The following PTH2R variants were observed in gnomAD, a reference collection of about 807,000 sequenced individuals.
PTH2R encodes the protein parathyroid hormone 2 receptor.
PTH2R carries 59 observed loss-of-function variants against 60.3 expected under a neutral mutation model. The ratio of observed to expected loss-of-function variants is 0.98; its 90% confidence interval spans 0.79 to 1.22. PTH2R has a LOEUF of 1.22. PTH2R is among the 50% of genes most tolerant of loss of function. The pLI, the probability that PTH2R is intolerant of heterozygous loss-of-function variation, is 0.00. For synonymous variants in PTH2R, 256 were observed against 243.8 expected, an observed-to-expected ratio of 1.05 and a Z score of -0.47; for missense variants, 749 against 682.6, an observed-to-expected ratio of 1.10 and a Z score of -1.08.
chr2:208,428,099 T>C, intron 1 of PTH2R, 102 bp from the exon 2 acceptor site: 1 of 827,420 alleles, frequency 1.2e-6, no homozygotes, highest in Non-Finnish European at 1.9e-6. Context: ...TAGCTTGATA[T>C]CAAACTCATT....
At chr2:208,454,879 G>T (rs956631659) in intron 8 of PTH2R, among the ~76,000 whole-genome samples, 1 of 151,878 alleles carries the variant, frequency 6.6e-6, no homozygotes, top group African/African-American at 2.4e-5. Context: ...TATTTTGTCT[G>T]CTATGCACTG....
chr2:208,437,963 G>A (rs2105865899), intron 4 of PTH2R, 82 bp downstream of exon 4: 1 of 1,527,564 alleles, frequency 6.5e-7, no homozygotes, highest in Non-Finnish European at 9.0e-7. Context: ...CAGCCATTAT[G>A]TATAAAAACC....
In PTH2R at chr2:208,481,120, CTG is replaced by C. The variant is rs775262553; in HGVS notation, c.1033_1034del (p.Trp345GlyfsTer8). ...NTVRVLATKI[W>X]ETNAVGHDTR... ...CGGTTAGAGTTCTAGCTACCAAAAT[CTG>C]GGAGACCAATGCAGTTGGGCATGAC... On this transcript the variant is annotated frameshift_variant, in exon 10 of 13. Transcript: ENST00000272847. LOFTEE classifies it high-confidence loss of function. The C allele has an allele frequency of 1.6e-5, 25 of 1,612,172 alleles. No homozygotes were observed. Among genetic ancestry groups the C allele is most frequent in the Non-Finnish European group, 2.1e-5 (25 of 1,178,664 alleles).
chr2:208,477,947 T>C (rs1331950460), intron 9 of PTH2R, among the ~76,000 whole-genome samples: 3 of 27,992 alleles, frequency 1.1e-4, no homozygotes, highest in African/African-American at 1.9e-4. Context: ...CTACTAGTAG[T>C]ACTAGCACTA....
At chr2:208,452,525 C>T (rs1267968932) in intron 8 of PTH2R, among the ~76,000 whole-genome samples, 4 of 152,024 alleles carry the variant, frequency 2.6e-5, no homozygotes, top group African/African-American at 9.7e-5. Context: ...TTGATGGAAC[C>T]CTGGTTCTGC....
At chr2:208,421,942 C>T (rs1227958976) in intron 1 of PTH2R, among the ~76,000 whole-genome samples, 1 of 152,064 alleles carries the variant, frequency 6.6e-6, no homozygotes, top group Non-Finnish European at 1.5e-5. Context: ...GGAAACAGAA[C>T]CAGTGGGATA....
Position 208,485,470 on chromosome 2 carries a change from C to T in PTH2R, c.1077-3542C>T, listed in dbSNP as rs535580510. Among the ~76,000 whole-genome samples the T allele has an allele frequency of 3.9e-5, 6 of 152,056 alleles. No individual in the cohort carries two copies. In the East Asian group the frequency reaches 9.7e-4, roughly 24 times the overall value. On this transcript the variant is annotated intron_variant, in intron 10 of 12. Transcript: ENST00000272847. ...CAATGTGCATGGGTGGCCATATGGA[C>T]GCTGAAAAAAATCAGTGCCCAGGAT... is the stretch of plus-strand genomic sequence containing the variant.
intron 9 of PTH2R, among the ~76,000 whole-genome samples, chr2:208,461,159 AAATTGGTCCC>A (rs1479327672): frequency 2.6e-5 from 4 of 152,310 alleles, no homozygotes; most frequent in Admixed American, 2.6e-4. Context: ...TCCTATTAAC[AAATTGGTCCC>A]AATTCCATAT....
At chr2:208,364,901 T>C (rs1377175223) in intron 1 of PTH2R, among the ~76,000 whole-genome samples, 10 of 152,176 alleles carry the variant, frequency 6.6e-5, no homozygotes, top group Non-Finnish European at 1.5e-4. Flanking sequence ...TTTCTAAGAA[T>C]TGTTTTCTTT....
intron 1 of PTH2R, chr2:208,361,018 C>A: frequency 4.5e-6 from 1 of 221,938 alleles, no homozygotes; most frequent in South Asian, 7.6e-5. Context: ...CTTGCACACC[C>A]ACCAGTTATT....
At chr2:208,392,012 C>T (rs1701117259) in intron 1 of PTH2R, among the ~76,000 whole-genome samples, 1 of 152,198 alleles carries the variant, frequency 6.6e-6, no homozygotes, top group African/African-American at 2.4e-5. Context: ...AAGACTATCT[C>T]AAAATCCCTA....
intron 1 of PTH2R, among the ~76,000 whole-genome samples, chr2:208,368,403 A>G (rs576480519): frequency 6.6e-6 from 1 of 152,330 alleles, no homozygotes; most frequent in South Asian, 2.1e-4. Context: ...CCTAATTGAC[A>G]AAGCAAGTAT....
intron 8 of PTH2R, among the ~76,000 whole-genome samples, chr2:208,458,953 C>T (rs1327485822): frequency 6.6e-6 from 1 of 151,964 alleles, no homozygotes; most frequent in Non-Finnish European, 1.5e-5. Context: ...GCTTTATATT[C>T]CTCTGGGAAT....
intron 9 of PTH2R, among the ~76,000 whole-genome samples, chr2:208,466,786 AT>A (rs1702762729): frequency 6.6e-6 from 1 of 152,142 alleles, no homozygotes. Context: ...ATTAATTTTT[AT>A]TGAATACATT....
intron 1 of PTH2R, among the ~76,000 whole-genome samples, chr2:208,397,441 G>A (rs541233848): frequency 1.8e-4 from 28 of 152,256 alleles, no homozygotes; most frequent in African/African-American, 6.7e-4. Context: ...TTGATGACTG[G>A]AGGAACACCA....
At chr2:208,411,006 G>A (rs1342059304) in intron 1 of PTH2R, among the ~76,000 whole-genome samples, 1 of 152,202 alleles carries the variant, frequency 6.6e-6, no homozygotes, top group Non-Finnish European at 1.5e-5. Flanking sequence ...AGCACTTTGG[G>A]AGGCCAAGGC....
chr2:208,420,377 G>A (rs985176871), intron 1 of PTH2R, among the ~76,000 whole-genome samples: 5 of 151,912 alleles, frequency 3.3e-5, no homozygotes, highest in African/African-American at 1.2e-4. Flanking sequence ...CCATAGCAGT[G>A]GAAACATTTT....
intron 7 of PTH2R, among the ~76,000 whole-genome samples, chr2:208,445,200 T>C (rs1313588401): frequency 6.6e-6 from 1 of 152,212 alleles, no homozygotes; most frequent in East Asian, 1.9e-4. Flanking sequence ...ATGTCAGTGT[T>C]CTGCTTTATC....
chr2:208,396,791 C>T (rs545821657), intron 1 of PTH2R, among the ~76,000 whole-genome samples: 36 of 152,224 alleles, frequency 2.4e-4, no homozygotes, highest in African/African-American at 7.2e-4. Flanking sequence ...TTTGACCCAG[C>T]GATCCCATTA....
Sources: gnomAD v4.1 joint callset for allele counts (sites outside exome capture counted in the v4.1 genomes callset) on GRCh38, gnomAD v4.1.1 for gene constraint, MANE v1.5 for transcripts, NCBI Gene and HGNC (gene_info 2026-07-23, HGNC 2026-07-21) for gene names.